Variants in GABRG1 observed in about 807,000 individuals in gnomAD.
GABRG1 encodes gamma-aminobutyric acid receptor subunit gamma-1.
A neutral mutation model predicts 49.8 loss-of-function variants in GABRG1; 49 were observed. The observed-to-expected ratio is 0.98, with a 90% CI of 0.78 to 1.25. The LOEUF is 1.25. Ranked by LOEUF, GABRG1 falls within the 50% of genes most tolerant of loss-of-function variation. The probability of loss-of-function intolerance (pLI) is 0.00; values close to 1 mark genes in which losing one functional copy is unlikely to be tolerated. For missense variants in GABRG1, 552 were observed against 552.3 expected (o/e 1.00, Z 0.01); for synonymous variants, 232 against 185.1 (o/e 1.25, Z -2.06).
At chr4:46,083,884 T>C (rs1405631589) in intron 3 of GABRG1, 102 bp downstream of exon 3, 1 of 716,640 alleles carries the variant, frequency 1.4e-6, no homozygotes, top group Admixed American at 2.5e-5. Context: ...TCTGAATTCA[T>C]TCAGAATTAA....
In GABRG1 at chr4:46,093,667, T is replaced by C. The variant is rs577907948; in HGVS notation, c.253+3534A>G. ...TACCCCATTTATCCTGATGTGATTATTACACATTCTATGTGTATATAAAAA... is the reference window on the plus strand; with the variant it reads ...TACCCCATTTATCCTGATGTGATTACTACACATTCTATGTGTATATAAAAA... On this transcript the variant is annotated intron_variant, in intron 2 of 8. Coordinates refer to ENST00000295452, the MANE Select transcript of GABRG1 (RefSeq NM_173536.4). 2.0e-5 allele frequency among the ~76,000 whole-genome samples: 3 copies of C among 152,130 alleles called. No homozygotes were observed. The South Asian group carries it at 6.2e-4, about 32-fold the overall frequency.
chr4:46,094,764 T>A (rs1720113161), intron 2 of GABRG1, among the ~76,000 whole-genome samples: 1 of 151,856 alleles, frequency 6.6e-6, no homozygotes, highest in South Asian at 2.1e-4. Context: ...CACAATCAAA[T>A]CCAAAGTATC....
rs531082084 is a variant in GABRG1, at chr4:46,065,622, T to A, written c.322-38A>T. 236 of 931,012 alleles carry A rather than the reference T, an allele frequency of 2.5e-4. No homozygotes were observed. The African/African-American group carries it at 3.7e-3, about 15-fold the overall frequency. The allele number at this position is 931,012 out of a possible 1,614,324, so 57.7% of individuals were successfully genotyped here. On this transcript the variant is annotated intron_variant, in intron 3 of 8. Coordinates refer to ENST00000295452, the MANE Select transcript of GABRG1 (RefSeq NM_173536.4). ...AAGAGTAACAACATATTAGTAAAGC[T>A]ACTATTTTAGTTGTTTTTCTCGAAA... is the stretch of plus-strand genomic sequence containing the variant.
intron 7 of GABRG1, among the ~76,000 whole-genome samples, chr4:46,052,475 T>C (rs1044541321): frequency 4.6e-5 from 7 of 151,996 alleles, no homozygotes; most frequent in Admixed American, 1.3e-4. Context: ...GAGTAAATCC[T>C]TTTATTTTTG....
chr4:46,051,593 C>CT lies in GABRG1; in HGVS notation c.961dup (p.Arg321LysfsTer6), dbSNP rs771464196. On this transcript the variant is annotated frameshift_variant, in exon 8 of 9. Coordinates refer to ENST00000295452, the MANE Select transcript of GABRG1 (RefSeq NM_173536.4). LOFTEE classifies it high-confidence loss of function. ...ATAAGAAACCTTAGGTAAAGACTTCCTGGCAATTGTACTCAGGGTTGTCAT... is the reference window on the plus strand; with the variant it reads ...ATAAGAAACCTTAGGTAAAGACTTCCTTGGCAATTGTACTCAGGGTTGTCAT... 1 of 1,611,060 alleles carries CT rather than the reference C, an allele frequency of 6.2e-7. No homozygotes were observed. Among genetic ancestry groups the CT allele is most frequent in the African/African-American group, 1.3e-5 (1 of 74,700 alleles).
chr4:46,123,795 C>T lies in GABRG1; in HGVS notation c.104+15G>A. On this transcript the variant is annotated intron_variant, in intron 1 of 8. Transcript: ENST00000295452. The stretch of plus-strand genomic sequence containing the variant: ...AGATAGCAAAGAATAGTTTTAAACC[C>T]CTGAATTTACTCACCAGTTTCCCAA... 6.3e-7 allele frequency: 1 copy of T among 1,590,064 alleles called. No individual in the cohort carries two copies. Among genetic ancestry groups the T allele is most frequent in the Admixed American group, 1.7e-5 (1 of 59,896 alleles).
At position 46,038,440 on chromosome 4, in the gene GABRG1, A is replaced by G. The variant is rs781213623; in HGVS notation, c.*2548T>C. 6.6e-6 allele frequency: 1 copy of G among 151,670 alleles called. No individual in the cohort carries two copies. Among genetic ancestry groups the G allele is most frequent in the Non-Finnish European group, 1.5e-5 (1 of 67,696 alleles). The allele number at this position is 151,670 out of a possible 1,614,324, so 9.4% of individuals were successfully genotyped here. ...CTCCAGGTATCCTTCCCAATTCTTT[A>G]TATCTAATTTTGGGGTCTATGTTAG... On this transcript the variant is annotated 3_prime_UTR_variant, in exon 9 of 9. Coordinates refer to ENST00000295452, the MANE Select transcript of GABRG1 (RefSeq NM_173536.4).
In GABRG1 at chr4:46,041,082, C is replaced by T. The variant is rs757060005; in HGVS notation, c.1304G>A (p.Arg435His). ...AGAATAAGAGTCAATTTTGGCAATGCGTATGTGTATCCTTCCTTCCCTCCA... is the reference window on the plus strand; with the variant it reads ...AGAATAAGAGTCAATTTTGGCAATGTGTATGTGTATCCTTCCTTCCCTCCA... ...GSWREGRIHI[R>H]IAKIDSYSRI... The change falls in exon 9 of 9, where the codon CGC becomes CAC. Residue 435 changes from arginine to histidine, a missense_variant. Transcript: ENST00000295452. 16 of 1,612,998 alleles carry T rather than the reference C, an allele frequency of 9.9e-6. No individual in the cohort carries two copies. Among genetic ancestry groups the T allele is most frequent in the East Asian group, 4.5e-5 (2 of 44,840 alleles).
chr4:46,071,891 G>A (rs1030768334), intron 3 of GABRG1, among the ~76,000 whole-genome samples: 1 of 151,894 alleles, frequency 6.6e-6, no homozygotes, highest in Non-Finnish European at 1.5e-5. Context: ...ATTGAAGAAA[G>A]AAATTAAAAA....
At chr4:46,117,003 T>C (rs1223229890) in intron 1 of GABRG1, among the ~76,000 whole-genome samples, 1 of 150,458 alleles carries the variant, frequency 6.6e-6, no homozygotes, top group Non-Finnish European at 1.5e-5. Context: ...AGGTGAATGA[T>C]ATCCCTGTAC....
rs1164000652 is a variant in GABRG1, at chr4:46,036,770, A to AT, written c.*4217dup. The AT allele has an allele frequency of 6.6e-6, 1 of 151,974 alleles. No individual in the cohort carries two copies. The highest frequency in any genetic ancestry group is 1.5e-5 in the Non-Finnish European group (1 of 67,894). The allele number at this position is 151,974 out of a possible 1,614,324, so 9.4% of individuals were successfully genotyped here. On this transcript the variant is annotated 3_prime_UTR_variant, in exon 9 of 9. Transcript: ENST00000295452. ...TTATATTCCAAACCATCACACACAA[A>AT]TAAGATGAAACTTCTGCAGAAATTT...
chr4:46,059,267 G>A (rs1718576826), intron 5 of GABRG1, among the ~76,000 whole-genome samples: 1 of 152,106 alleles, frequency 6.6e-6, no homozygotes, highest in Admixed American at 6.6e-5. Context: ...CCGAAACGTG[G>A]CATGCAATAT....
In GABRG1 at chr4:46,058,371, TG is replaced by T. The variant is rs1198671729; in HGVS notation, c.764-3del. ...AAATTGTCATGATAACATAATCCCC[TG>T]TAAGAAAAAAAAGTTTTATTTTGGC... On this transcript the variant is annotated splice_region_variant and splice_polypyrimidine_tract_variant and intron_variant, in intron 6 of 8. Coordinates refer to ENST00000295452, the MANE Select transcript of GABRG1 (RefSeq NM_173536.4). The T allele has an allele frequency of 6.2e-7, 1 of 1,600,324 alleles. No individual in the cohort carries two copies. The highest frequency in any genetic ancestry group is 8.5e-7 in the Non-Finnish European group (1 of 1,175,512).
intron 5 of GABRG1, among the ~76,000 whole-genome samples, chr4:46,062,992 CAAACCACTGCTCAATGAAATAAA>C (rs778375844): frequency 6.6e-5 from 10 of 151,364 alleles, no homozygotes; most frequent in Non-Finnish European, 1.5e-4. Flanking sequence ...AGGAGAACTA[CAAACCACTGCTCAATGAAATAAA>C]AGAGGATACA....
rs574597709 is a variant in GABRG1, at chr4:46,078,442, A to G, written c.321+5544T>C. Reference sequence around the variant, plus strand: ...GCTAAAGGTTTTATCTCCTAAAACTAGAAGCCCAGAAACATACAAGGGAGA... The same window carrying G: ...GCTAAAGGTTTTATCTCCTAAAACTGGAAGCCCAGAAACATACAAGGGAGA... On this transcript the variant is annotated intron_variant, in intron 3 of 8. Transcript: ENST00000295452. 5.3e-5 allele frequency among the ~76,000 whole-genome samples: 8 copies of G among 152,108 alleles called. 1 individual carries two copies. The highest frequency in any genetic ancestry group is 1.7e-4 in the African/African-American group (7 of 41,534).
intron 4 of GABRG1, 93 bp from the exon 5 acceptor site, chr4:46,064,616 T>C (rs41307939): frequency 1.8e-6 from 1 of 565,422 alleles, no homozygotes; most frequent in Non-Finnish European, 3.0e-6. Flanking sequence ...TTTTGTCATA[T>C]GATAATAGAT....
intron 2 of GABRG1, among the ~76,000 whole-genome samples, chr4:46,095,848 G>A (rs1243202646): frequency 6.6e-6 from 1 of 151,736 alleles, no homozygotes; most frequent in African/African-American, 2.4e-5. Context: ...TAGGTTCGGG[G>A]TTACAAGTGA....
intron 5 of GABRG1, among the ~76,000 whole-genome samples, chr4:46,062,591 C>T (rs1484161912): frequency 1.3e-5 from 2 of 152,174 alleles, no homozygotes; most frequent in Non-Finnish European, 2.9e-5. Context: ...GATGGTATCA[C>T]ATTCTGCTTT....
At chr4:46,063,947 A>C (rs1718810803) in intron 5 of GABRG1, among the ~76,000 whole-genome samples, 1 of 152,166 alleles carries the variant, frequency 6.6e-6, no homozygotes, top group Admixed American at 6.5e-5. Context: ...TTTTTAATTA[A>C]ATCAACTTAT....
Sources: allele counts gnomAD v4.1 joint callset (sites outside exome capture counted in the v4.1 genomes callset), GRCh38; gene constraint gnomAD v4.1.1; transcripts MANE v1.5; gene names NCBI Gene and HGNC (gene_info 2026-07-23, HGNC 2026-07-21).